The following ZC3H4 variants were observed in gnomAD, a reference collection of about 807,000 sequenced individuals.
ZC3H4 encodes zinc finger CCCH domain-containing protein 4.
In ZC3H4, 13 loss-of-function variants were observed where a neutral mutation model predicts 108.3. That is an observed-to-expected ratio of 0.12 (90% CI 0.08 to 0.19). The LOEUF is 0.19. Among genes scored for constraint, ZC3H4 ranks in the 10% least tolerant of loss-of-function variants. The pLI is 1.00. For synonymous variants in ZC3H4, 917 were observed against 749.6 expected, an observed-to-expected ratio of 1.22 and a Z score of -3.65; for missense variants, 1,734 against 1,838.8, an observed-to-expected ratio of 0.94 and a Z score of 1.04.
intron 3 of ZC3H4, 81 bp downstream of exon 3, chr19:47,094,308 G>T: frequency 2.0e-6 from 3 of 1,488,918 alleles, no homozygotes; most frequent in Non-Finnish European, 2.8e-6. Flanking sequence ...CCTCTGGGGT[G>T]GACAGCAAAA....
chr19:47,104,839 C>T (rs2057948568), intron 2 of ZC3H4, among the ~76,000 whole-genome samples: 1 of 152,230 alleles, frequency 6.6e-6, no homozygotes. Flanking sequence ...TAATCCAAGC[C>T]ACCTGCAACA....
chr19:47,069,143 T>TCTC lies in ZC3H4; in HGVS notation c.2344_2346dup (p.Glu782dup), dbSNP rs756740929. ...CTGCTCTCAGCCAGCCTCCTCGCTC[T>TCTC]CTCCTCCTCCTCCTGCTGCTTCTGC... On this transcript the variant is annotated inframe_insertion, in exon 14 of 15. Transcript: ENST00000253048. 93 of 1,606,556 alleles carry TCTC rather than the reference T, an allele frequency of 5.8e-5. No homozygotes were observed. Among genetic ancestry groups the TCTC allele is most frequent in the Non-Finnish European group, 3.0e-5 (35 of 1,179,890 alleles).
At chr19:47,086,664 C>A in intron 5 of ZC3H4, 126 bp from the exon 6 acceptor site, 1 of 1,425,254 alleles carries the variant, frequency 7.0e-7, no homozygotes, top group East Asian at 2.6e-5. Context: ...TCCTCCTCCT[C>A]CTCCTCCAAG....
rs1483511104 is a variant in ZC3H4 at position 47,093,236 on chromosome 19, A to AAAG, written c.492+733_492+734insCTT. 3.4e-4 allele frequency among the ~76,000 whole-genome samples: 51 copies of AAAG among 152,044 alleles called. 1 individual carries two copies. In the East Asian group the frequency reaches 9.1e-3, roughly 27 times the overall value. On this transcript the variant is annotated intron_variant, in intron 4 of 14. Coordinates refer to ENST00000253048, the MANE Select transcript of ZC3H4 (RefSeq NM_015168.2). ...GCCTCAAAAAAAAAAAAAAAAAAAA[A>AAAG]AAAATGATTTGCTTTTCTCTTATGG... is the stretch of plus-strand genomic sequence containing the variant.
chr19:47,099,776 T>C (rs1022413489), intron 2 of ZC3H4, among the ~76,000 whole-genome samples: 5 of 135,742 alleles, frequency 3.7e-5, no homozygotes, highest in African/African-American at 1.1e-4. Context: ...GGACGAAAGC[T>C]GAAAGGGGCC....
In ZC3H4 at chr19:47,086,385, T is replaced by A. The variant is rs753428573; in HGVS notation, c.869A>T (p.Asp290Val). 1.9e-6 allele frequency: 3 copies of A among 1,613,400 alleles called. No individual in the cohort carries two copies. The highest frequency in any genetic ancestry group is 2.2e-5 in the South Asian group (2 of 91,022). Residue 290 changes from aspartate (D) to valine (V), a missense_variant and splice_region_variant, in exon 6 of 15, where the codon GAC (aspartate) becomes GTC (valine). Around this residue, in one of 9 missense-constraint regions of ZC3H4, gnomAD observed 403 missense variants for 457.0 expected, o/e 0.88. Coordinates refer to ENST00000253048, the MANE Select transcript of ZC3H4 (RefSeq NM_015168.2). The part of the protein sequence containing the change: ...DEEDFYEEEM[D>V]YGESEEPMGD... ...CCCCAGGGCCAGAGGAAACCTTACGTCCATCTCTTCCTCGTAGAAATCCTC... is the reference window on the plus strand; with the variant it reads ...CCCCAGGGCCAGAGGAAACCTTACGACCATCTCTTCCTCGTAGAAATCCTC...
At chr19:47,094,688 C>A in intron 2 of ZC3H4, 80 bp from the exon 3 acceptor site, 1 of 1,477,264 alleles carries the variant, frequency 6.8e-7, no homozygotes, top group Non-Finnish European at 9.3e-7. Context: ...CCAAGGCTGA[C>A]AGGAACCGAA....
chr19:47,081,177 G>A (rs1000294811), intron 11 of ZC3H4, among the ~76,000 whole-genome samples: 2 of 152,220 alleles, frequency 1.3e-5, no homozygotes, highest in African/African-American at 4.8e-5. Flanking sequence ...TGGGGTTACA[G>A]GTGATTCGTG....
At chr19:47,112,115 C>A in intron 2 of ZC3H4, 6 of 1,062,944 alleles carry the variant, frequency 5.6e-6, no homozygotes, top group Non-Finnish European at 6.8e-6. Context: ...GACAGGCGGA[C>A]GGGCGCGGGG....
rs774119014 is a variant in ZC3H4 at position 47,081,585 on chromosome 19, G to A, written c.1368C>T (p.Asn456=). The change falls in exon 11 of 15, where the codon AAC becomes AAT. Residue 456 remains asparagine, a synonymous_variant. Transcript: ENST00000253048. ...ACATGCAGTCGTCACCATTGATGCAGTTCCCAGTGGTGTGGTACAGCTTAC... is the reference window on the plus strand; with the variant it reads ...ACATGCAGTCGTCACCATTGATGCAATTCCCAGTGGTGTGGTACAGCTTAC... The part of the protein sequence containing the change: ...FPCKLYHTTG[N]CINGDDCMFS... The A allele has an allele frequency of 3.7e-6, 6 of 1,614,208 alleles. No individual in the cohort carries two copies. Among genetic ancestry groups the A allele is most frequent in the Non-Finnish European group, 3.4e-6 (4 of 1,180,026 alleles).
intron 5 of ZC3H4, among the ~76,000 whole-genome samples, chr19:47,087,414 T>G (rs2057650439): frequency 6.8e-6 from 1 of 147,484 alleles, no homozygotes; most frequent in Admixed American, 7.1e-5. Flanking sequence ...ATTAATTTAA[T>G]TGGTTTCACT....
rs758509547 is a variant in ZC3H4 at position 47,081,522 on chromosome 19, G to T, written c.1431C>A (p.Leu477=). The T allele has an allele frequency of 6.2e-7, 1 of 1,614,182 alleles. No homozygotes were observed. Among genetic ancestry groups the T allele is most frequent in the South Asian group, 1.1e-5 (1 of 91,078 alleles). Residue 477 remains leucine, a synonymous_variant, in exon 11 of 15, where the codon CTC becomes CTA. Coordinates refer to ENST00000253048, the MANE Select transcript of ZC3H4 (RefSeq NM_015168.2). ...TACCCCCGGACATTACCTTATCCAA[G>T]AGCTCCCTCGTCTCTTCGGTCAGAG... ...HDPLTEETRE[L]LDKMLADDAE...
Position 47,067,733 on chromosome 19 carries a change from C to T in ZC3H4, c.2535G>A (p.Gly845=). 6.2e-7 allele frequency: 1 copy of T among 1,607,562 alleles called. No homozygotes were observed. The change falls in exon 15 of 15, where the codon GGG becomes GGA. Residue 845 remains glycine (G), a synonymous_variant. Transcript: ENST00000253048. This position sits in a 1 kb window ranked among gnomAD's most constrained non-coding sequence, Gnocchi z 6.4. The part of the protein sequence containing the change: ...SVGELSSSGL[G]DPRLQKGHPT... ...GGTGTCCCTTCTGGAGGCGGGGGTC[C>T]CCCAGCCCACTGCTGCTCAGCTCCC...
chr19:47,104,231 A>C (rs1317420307), intron 2 of ZC3H4, among the ~76,000 whole-genome samples: 1 of 152,186 alleles, frequency 6.6e-6, no homozygotes, highest in Non-Finnish European at 1.5e-5. Flanking sequence ...AGGCAGGAGA[A>C]TCGCTTGAAC....
rs1406997334 is a variant in ZC3H4 at position 47,072,883 on chromosome 19, T to C, written c.1441-170A>G. Among the ~76,000 whole-genome samples the C allele has an allele frequency of 2.0e-5, 3 of 151,946 alleles. No individual in the cohort carries two copies. The highest frequency in any genetic ancestry group is 2.0e-4 in the Admixed American group (3 of 15,262). On this transcript the variant is annotated intron_variant, in intron 11 of 14. Transcript: ENST00000253048. The surrounding 1 kb of genome is among the most constrained non-coding windows in gnomAD (Gnocchi z 5.6). ...GTAACAAAAATCATCATCAGCCACC[T>C]CTCTGCTCCACTCTCGGGGACCAGC...
chr19:47,068,969 A>G (rs963766757), intron 14 of ZC3H4, 123 bp downstream of exon 14: 18 of 1,539,662 alleles, frequency 1.2e-5, no homozygotes, highest in Non-Finnish European at 1.6e-5. Flanking sequence ...GGCCCTGGAC[A>G]GGGGTCCTCC....
intron 8 of ZC3H4, among the ~76,000 whole-genome samples, chr19:47,084,826 T>C (rs1050604595): frequency 2.0e-5 from 3 of 152,162 alleles, no homozygotes; most frequent in African/African-American, 7.2e-5. Context: ...ATGTGTTAGG[T>C]ATGGCTGCAG....
rs1451158552 is a variant in ZC3H4, at chr19:47,066,547, CACCCTCGGGGGGTGGGGT to C, written c.3703_3720del (p.Thr1235_Gly1240del). ...TTGTGCACCCCGGGCTGGGGTGGGG[CACCCTCGGGGGGTGGGGT>C]GGCGGTGGTGGCAGCGGGGGCTGCA... On this transcript the variant is annotated inframe_deletion, in exon 15 of 15. Transcript: ENST00000253048. 3 of 1,570,420 alleles carry C rather than the reference CACCCTCGGGGGGTGGGGT, an allele frequency of 1.9e-6. No homozygotes were observed. The highest frequency in any genetic ancestry group is 2.6e-6 in the Non-Finnish European group (3 of 1,157,996).
chr19:47,099,959 A>G (rs1395075811), intron 2 of ZC3H4, among the ~76,000 whole-genome samples: 1 of 152,176 alleles, frequency 6.6e-6, no homozygotes, highest in Non-Finnish European at 1.5e-5. Context: ...GGTTATGATC[A>G]TTAACTGCCC....
Sources: gnomAD v4.1 joint callset for allele counts (sites outside exome capture counted in the v4.1 genomes callset) on GRCh38, gnomAD v4.1.1 for gene constraint, gnomAD v4.1.1 regional missense constraint, Gnocchi (gnomAD v3.1) non-coding constraint, MANE v1.5 for transcripts, NCBI Gene and HGNC (gene_info 2026-07-23, HGNC 2026-07-21) for gene names.